The following VPS13B variants were observed in gnomAD, a reference collection of about 807,000 sequenced individuals.
VPS13B encodes intermembrane lipid transfer protein VPS13B.
VPS13B carries 285 observed loss-of-function variants against 426.4 expected under a neutral mutation model. That is an observed-to-expected ratio of 0.67 (90% CI 0.61 to 0.74). The LOEUF (loss-of-function observed/expected upper bound fraction) is 0.74, where lower values mean the gene tolerates loss of function less well. Among genes scored for constraint, VPS13B ranks in the 30% least tolerant of loss-of-function variants. The probability of loss-of-function intolerance (pLI) is 0.00; values close to 1 mark genes in which losing one functional copy is unlikely to be tolerated. For synonymous variants in VPS13B, 1,676 were observed against 1,676.4 expected (o/e 1.00, Z 0.01); for missense variants, 4,537 against 4,782.6 (o/e 0.95, Z 1.51).
At position 99,819,504 on chromosome 8, in the gene VPS13B, A is replaced by G; in HGVS notation, c.8714A>G (p.Asn2905Ser). 2 of 1,613,918 alleles carry G rather than the reference A, an allele frequency of 1.2e-6. No homozygotes were observed. Among genetic ancestry groups the G allele is most frequent in the Non-Finnish European group, 1.7e-6 (2 of 1,179,892 alleles). Residue 2905 changes from asparagine to serine, a missense_variant, in exon 48 of 62, where the codon AAT becomes AGT. Asn to Ser is a conservative substitution (Grantham distance 46). Coordinates refer to ENST00000357162, the MANE Select transcript of VPS13B (RefSeq NM_152564.5). ...ATKVHPGGTV[N>S]QILDEFYGPE... ...AAGGTACACCCTGGAGGCACAGTTA[A>G]TCAGATCCTTGACGAATTCTATGGG...
At chr8:99,590,280 A>G (rs895810249) in intron 33 of VPS13B, among the ~76,000 whole-genome samples, 1 of 152,042 alleles carries the variant, frequency 6.6e-6, no homozygotes, top group Non-Finnish European at 1.5e-5. Context: ...TCTTTTCAAA[A>G]AACTAGCTTC....
rs138710469 is a variant in VPS13B at position 99,201,074 on chromosome 8, A to G, written c.2515+8017A>G. Among the ~76,000 whole-genome samples, 37 of 151,794 alleles carry G rather than the reference A, an allele frequency of 2.4e-4. No individual in the cohort carries two copies. In the East Asian group the frequency reaches 7.0e-3, roughly 29 times the overall value. On this transcript the variant is annotated intron_variant, in intron 17 of 61. Transcript: ENST00000357162. ...TCATTCCCATTGGCCAACATTTTCT[A>G]TGACACTATAATTTTAGACTATTTT...
chr8:99,686,120 G>A (rs183402597), intron 35 of VPS13B, among the ~76,000 whole-genome samples: 2 of 152,324 alleles, frequency 1.3e-5, no homozygotes, highest in Admixed American at 6.5e-5. Flanking sequence ...TCACAGTGGT[G>A]CCACCTTGAT....
At chr8:99,436,057 G>A (rs62534581) in intron 22 of VPS13B, among the ~76,000 whole-genome samples, 3,018 of 152,230 alleles carry the variant, frequency 0.02, 46 homozygotes, top group Non-Finnish European at 0.029. Flanking sequence ...TAGTAGAAGA[G>A]AGAATGTCCT....
chr8:99,135,950 A>T (rs374490212), intron 11 of VPS13B, among the ~76,000 whole-genome samples: 1 of 152,102 alleles, frequency 6.6e-6, no homozygotes, highest in African/African-American at 2.4e-5. Context: ...TTGCTTATTT[A>T]TGCCCTGCTT....
At chr8:99,257,609 T>C (rs1817821200) in intron 17 of VPS13B, among the ~76,000 whole-genome samples, 1 of 152,210 alleles carries the variant, frequency 6.6e-6, no homozygotes. Flanking sequence ...TAGTTTTGTC[T>C]TTATTATGAC....
intron 36 of VPS13B, among the ~76,000 whole-genome samples, chr8:99,714,070 C>T (rs137860397): frequency 0.011 from 1,550 of 145,172 alleles, 16 homozygotes; most frequent in South Asian, 0.029. Flanking sequence ...ACCCAGGAGG[C>T]AGAGGTTGCA....
At chr8:99,531,207 G>C (rs1822916560) in intron 30 of VPS13B, among the ~76,000 whole-genome samples, 1 of 152,114 alleles carries the variant, frequency 6.6e-6, no homozygotes, top group Non-Finnish European at 1.5e-5. Flanking sequence ...GAAGGTACTT[G>C]AACATGCAAT....
chr8:99,355,028 GAA>G (rs1439095814), intron 19 of VPS13B, among the ~76,000 whole-genome samples: 1 of 152,156 alleles, frequency 6.6e-6, no homozygotes, highest in Non-Finnish European at 1.5e-5. Flanking sequence ...AATTCTGTTA[GAA>G]CAGACCTTCT....
At chr8:99,575,805 T>A in intron 32 of VPS13B, 21 bp downstream of exon 32, 1 of 1,610,022 alleles carries the variant, frequency 6.2e-7, no homozygotes, top group African/African-American at 1.3e-5. Flanking sequence ...AATTTTGATT[T>A]TATTTTAGTC....
chr8:99,646,758 T>C (rs1829594844), intron 34 of VPS13B, among the ~76,000 whole-genome samples: 1 of 152,076 alleles, frequency 6.6e-6, no homozygotes, highest in African/African-American at 2.4e-5. Flanking sequence ...ATAAGTAAGT[T>C]CTTGCTCTGG....
At chr8:99,502,702 A>G in intron 26 of VPS13B, 134 bp from the exon 27 acceptor site, 1 of 750,572 alleles carries the variant, frequency 1.3e-6, no homozygotes, top group Non-Finnish European at 2.4e-6. Context: ...TTTGCTTATT[A>G]TTCTAGAAGC....
intron 31 of VPS13B, among the ~76,000 whole-genome samples, chr8:99,563,208 A>G (rs559310823): frequency 1.3e-5 from 2 of 152,356 alleles, no homozygotes; most frequent in Admixed American, 6.5e-5. Context: ...TTGAATGTCT[A>G]GTGTATGCCA....
rs112749780 is a variant in VPS13B at position 99,642,351 on chromosome 8, A to G, written c.5761A>G (p.Thr1921Ala). Residue 1921 changes from threonine to alanine, a missense_variant, in exon 34 of 62, where the codon ACT (threonine) becomes GCT (alanine). Transcript: ENST00000357162. Reference protein sequence around the residue: ...TIVRQPGRRGTGDLQLEPFLY... With the variant: ...TIVRQPGRRGAGDLQLEPFLY... The stretch of plus-strand genomic sequence containing the variant: ...TGTTCGGCAGCCTGGTCGAAGAGGA[A>G]CTGGTGACTTACAGCTAGAGCCTTT... 29 of 1,614,124 alleles carry G rather than the reference A, an allele frequency of 1.8e-5. 1 individual carries two copies. The African/African-American group carries it at 2.8e-4, about 16-fold the overall frequency.
intron 39 of VPS13B, among the ~76,000 whole-genome samples, chr8:99,755,455 A>G (rs1810593684): frequency 6.6e-6 from 1 of 152,140 alleles, no homozygotes; most frequent in African/African-American, 2.4e-5. Context: ...AACAACAACT[A>G]CAATGTATAG....
At chr8:99,523,084 A>C (rs1022574008) in intron 30 of VPS13B, among the ~76,000 whole-genome samples, 3 of 152,236 alleles carry the variant, frequency 2.0e-5, no homozygotes, top group African/African-American at 7.2e-5. Context: ...CAGAATAGAC[A>C]AACTCAGAGA....
intron 35 of VPS13B, among the ~76,000 whole-genome samples, chr8:99,671,864 G>A (rs1830730920): frequency 6.6e-6 from 1 of 152,086 alleles, no homozygotes; most frequent in South Asian, 2.1e-4. Context: ...TTTCCCAACA[G>A]CATTTATTGA....
At chr8:99,366,351 T>G (rs916436390) in intron 19 of VPS13B, among the ~76,000 whole-genome samples, 5 of 152,128 alleles carry the variant, frequency 3.3e-5, no homozygotes, top group African/African-American at 1.2e-4. Context: ...ACCTCCTTTG[T>G]CTCTTAAAGT....
chr8:99,501,896 G>GTCCT (rs1821252019), intron 26 of VPS13B, 38 bp downstream of exon 26: 1 of 1,383,526 alleles, frequency 7.2e-7, no homozygotes, highest in African/African-American at 2.0e-5. Flanking sequence ...CCCTCCCTCT[G>GTCCT]TCCCTCCCTC....
Sources: allele counts gnomAD v4.1 joint callset (sites outside exome capture counted in the v4.1 genomes callset), GRCh38; gene constraint gnomAD v4.1.1; transcripts MANE v1.5; gene names NCBI Gene and HGNC (gene_info 2026-07-23, HGNC 2026-07-21).